The following LUZP2 variants were observed in gnomAD, a reference collection of about 807,000 sequenced individuals.
LUZP2 encodes leucine zipper protein 2.
A neutral mutation model predicts 51.6 loss-of-function variants in LUZP2; 52 were observed. The ratio of observed to expected loss-of-function variants is 1.01; its 90% CI spans 0.81 to 1.27. The LOEUF (loss-of-function observed/expected upper bound fraction) is 1.27, where lower values mean the gene tolerates loss of function less well. Ranked by LOEUF, LUZP2 falls within the 50% of genes most tolerant of loss-of-function variation. The pLI is 0.00. For missense variants in LUZP2, 436 were observed against 395.4 expected, an observed-to-expected ratio of 1.10 and a Z score of -0.87; for synonymous variants, 154 against 137.3, an observed-to-expected ratio of 1.12 and a Z score of -0.85.
intron 1 of LUZP2, among the ~76,000 whole-genome samples, chr11:24,556,574 G>C (rs550002337): frequency 1.3e-5 from 2 of 152,138 alleles, no homozygotes; most frequent in Admixed American, 1.3e-4. Context: ...AATATGTAGA[G>C]TAAGGCAGAG....
rs558777311 is a variant in LUZP2 at position 25,021,198 on chromosome 11, G to A, written c.766-28840G>A. On this transcript the variant is annotated intron_variant, in intron 9 of 11. Transcript: ENST00000336930. ...GATAACCATGACAAAATCTATGAAA[G>A]CACAAAAGGTGAAGAAAATCTTGAT... is the stretch of plus-strand genomic sequence containing the variant. 1.2e-3 allele frequency among the ~76,000 whole-genome samples: 176 copies of A among 151,934 alleles called. 1 individual carries two copies. The highest frequency in any genetic ancestry group is 6.8e-3 in the Middle Eastern group (2 of 294).
In LUZP2 at chr11:24,918,903, A is replaced by C. The variant is rs11028276; in HGVS notation, c.522+4365A>C. On this transcript the variant is annotated intron_variant, in intron 7 of 11. Transcript: ENST00000336930. ...TATATATTATATATAGTTATATATA[A>C]TATATATCCATAATATGTATTATAT... 1.8e-3 allele frequency among the ~76,000 whole-genome samples: 248 copies of C among 140,882 alleles called. 1 individual carries two copies. The highest frequency in any genetic ancestry group is 5.8e-3 in the African/African-American group (215 of 36,796). 92.4% of individuals were successfully genotyped at this position (140,882 alleles called of 152,430 possible). A position where few individuals can be genotyped will look rare whatever the true frequency, so the allele number is the denominator to read the frequency against.
At chr11:24,966,398 T>G (rs1590785199) in intron 7 of LUZP2, among the ~76,000 whole-genome samples, 1 of 150,978 alleles carries the variant, frequency 6.6e-6, no homozygotes, top group South Asian at 2.1e-4. Context: ...GAACAACATT[T>G]TATATATAAT....
intron 4 of LUZP2, chr11:24,751,567 C>T (rs1038217659): frequency 2.0e-6 from 2 of 980,912 alleles, no homozygotes; most frequent in African/African-American, 1.8e-5. Flanking sequence ...AGTCGTAGTA[C>T]CCACCCCATC....
chr11:24,841,831 G>A (rs972178747), intron 5 of LUZP2, among the ~76,000 whole-genome samples: 1 of 152,042 alleles, frequency 6.6e-6, no homozygotes, highest in African/African-American at 2.4e-5. Flanking sequence ...GACAGACAAT[G>A]AGCAAAGGGA....
At chr11:24,854,572 C>T (rs2087099) in intron 5 of LUZP2, among the ~76,000 whole-genome samples, 91,003 of 151,658 alleles carry the variant, frequency 0.6, 28,295 homozygotes, top group Middle Eastern at 0.7. Flanking sequence ...GGGTGGGATC[C>T]GCTGAGCTAG....
At chr11:24,738,176 A>G (rs1859012412) in intron 3 of LUZP2, 45 bp from the exon 4 acceptor site, 1 of 1,293,860 alleles carries the variant, frequency 7.7e-7, no homozygotes, top group East Asian at 2.3e-5. Context: ...GAAATAATGG[A>G]ATTATATTAT....
chr11:24,686,063 T>C (rs988340632), intron 1 of LUZP2, among the ~76,000 whole-genome samples: 1 of 152,188 alleles, frequency 6.6e-6, no homozygotes. Flanking sequence ...CTCTTCTTTC[T>C]TGAAGGACTG....
intron 5 of LUZP2, among the ~76,000 whole-genome samples, chr11:24,876,477 A>G (rs1378794560): frequency 1.3e-5 from 2 of 149,132 alleles, no homozygotes; most frequent in Non-Finnish European, 3.0e-5. Context: ...TGGTACCAGT[A>G]CCATGCTGTT....
At chr11:24,912,194 C>T (rs1853655656) in intron 6 of LUZP2, among the ~76,000 whole-genome samples, 1 of 151,426 alleles carries the variant, frequency 6.6e-6, no homozygotes, top group African/African-American at 2.4e-5. Flanking sequence ...TCTCCCACTT[C>T]CTCTTTACCT....
intron 1 of LUZP2, among the ~76,000 whole-genome samples, chr11:24,532,510 C>T (rs1851038677): frequency 6.6e-6 from 1 of 150,970 alleles, no homozygotes; most frequent in Admixed American, 6.6e-5. Context: ...ATTATATGCA[C>T]CATGAACACT....
intron 5 of LUZP2, among the ~76,000 whole-genome samples, chr11:24,811,354 A>T (rs1351628740): frequency 2.0e-5 from 3 of 152,050 alleles, no homozygotes; most frequent in African/African-American, 4.8e-5. Flanking sequence ...TCCCCCCCTT[A>T]ATAGCCTCTG....
intron 5 of LUZP2, among the ~76,000 whole-genome samples, chr11:24,877,799 A>G (rs1852319708): frequency 6.6e-6 from 1 of 152,082 alleles, no homozygotes; most frequent in African/African-American, 2.4e-5. Context: ...TCTACTGTCA[A>G]TCTCCATGAG....
chr11:24,957,346 T>C (rs928047083), intron 7 of LUZP2, among the ~76,000 whole-genome samples: 1 of 152,142 alleles, frequency 6.6e-6, no homozygotes, highest in Non-Finnish European at 1.5e-5. Context: ...TTTCTCTAAA[T>C]ATTTATCATT....
At chr11:24,998,879 A>G (rs952772300) in intron 9 of LUZP2, among the ~76,000 whole-genome samples, 7 of 152,132 alleles carry the variant, frequency 4.6e-5, no homozygotes, top group Non-Finnish European at 7.3e-5. Context: ...GTCGATAACT[A>G]AAAACAGTTA....
chr11:24,759,005 G>T (rs1006107379), intron 4 of LUZP2, among the ~76,000 whole-genome samples: 7 of 151,876 alleles, frequency 4.6e-5, no homozygotes, highest in Non-Finnish European at 1.0e-4. Context: ...TACTCTTTAT[G>T]GAAATAGAAA....
chr11:24,763,754 A>G (rs1860074559), intron 5 of LUZP2, among the ~76,000 whole-genome samples: 1 of 152,192 alleles, frequency 6.6e-6, no homozygotes, highest in African/African-American at 2.4e-5. Flanking sequence ...CATTTCCATG[A>G]TAGCCTTTAA....
At chr11:25,031,096 C>G (rs1485731634) in intron 9 of LUZP2, among the ~76,000 whole-genome samples, 4 of 141,272 alleles carry the variant, frequency 2.8e-5, no homozygotes, top group Non-Finnish European at 4.6e-5. Context: ...CATGCAACCT[C>G]CACCTCCCGA....
intron 5 of LUZP2, among the ~76,000 whole-genome samples, chr11:24,767,123 A>C (rs1393817995): frequency 5.3e-5 from 8 of 152,128 alleles, no homozygotes; most frequent in Admixed American, 5.2e-4. Flanking sequence ...AATGTTACCT[A>C]GTAAGTGGTC....
Sources: allele counts gnomAD v4.1 joint callset (sites outside exome capture counted in the v4.1 genomes callset), GRCh38; gene constraint gnomAD v4.1.1; transcripts MANE v1.5; gene names NCBI Gene and HGNC (gene_info 2026-07-23, HGNC 2026-07-21).